The following GOLGA8A variants were observed in gnomAD, a reference collection of about 807,000 sequenced individuals.
The protein encoded by GOLGA8A is golgin subfamily A member 8A.
Under a neutral mutation model 22.1 loss-of-function variants are expected in GOLGA8A, and 3 were observed. The observed-to-expected ratio is 0.14, with a 90% CI of 0.06 to 0.35. The LOEUF is 0.35. Among genes scored for constraint, GOLGA8A ranks in the 10% least tolerant of loss-of-function variants. GOLGA8A has a pLI of 1.00. For missense variants in GOLGA8A, 16 were observed against 233.2 expected (o/e 0.07, Z 6.07); for synonymous variants, 7 against 91.7 (o/e 0.08, Z 5.28).
intron 2 of GOLGA8A, among the ~76,000 whole-genome samples, chr15:34,429,135 G>A (rs980221405): frequency 2.1e-5 from 3 of 143,716 alleles, no homozygotes; most frequent in Admixed American, 7.2e-5. Context: ...CCCTCCTCTC[G>A]CCTCTGGATG....
intron 2 of GOLGA8A, among the ~76,000 whole-genome samples, chr15:34,421,599 G>C (rs1446178640): frequency 3.5e-5 from 5 of 143,826 alleles, no homozygotes; most frequent in Admixed American, 1.4e-4. Flanking sequence ...CATGGGTTGA[G>C]GCACTGGACT....
intron 2 of GOLGA8A, among the ~76,000 whole-genome samples, chr15:34,425,924 G>A (rs1421252104): frequency 1.4e-5 from 2 of 144,060 alleles, no homozygotes; most frequent in Non-Finnish European, 3.1e-5. Context: ...GACTGATCAT[G>A]TCCAGAGAGC....
chr15:34,397,545 C>A (rs1380001035), intron 8 of GOLGA8A, among the ~76,000 whole-genome samples: 1 of 147,438 alleles, frequency 6.8e-6, no homozygotes, highest in Non-Finnish European at 1.5e-5. Flanking sequence ...GGGTTCACTA[C>A]TTGAATGCTA....
Position 34,437,327 on chromosome 15 carries a change from C to T in GOLGA8A, c.-1212+71G>A, listed in dbSNP as rs1156967347. 1.4e-5 allele frequency: 2 copies of T among 142,692 alleles called. 1 individual carries two copies. The highest frequency in any genetic ancestry group is 3.1e-5 in the Non-Finnish European group (2 of 64,490). The allele number at this position is 142,692 out of a possible 1,614,324, so 8.8% of individuals were successfully genotyped here. On this transcript the variant is annotated intron_variant, in intron 1 of 24. Coordinates refer to ENST00000359187, the MANE Select transcript of GOLGA8A (RefSeq NM_181077.5). The stretch of plus-strand genomic sequence containing the variant: ...CGCGCCGCCCCCCACGCGTCCGGGT[C>T]CCCGCGGCGCCGCGGGCGGCCCAAG...
At chr15:34,386,338 C>A (rs1333990072) in intron 12 of GOLGA8A, among the ~76,000 whole-genome samples, 61 of 138,786 alleles carry the variant, frequency 4.4e-4, no homozygotes, top group Admixed American at 7.2e-4. Flanking sequence ...AAATACGGGG[C>A]CCCTGACAAC....
chr15:34,420,814 G>C (rs1892767377), intron 2 of GOLGA8A, among the ~76,000 whole-genome samples: 1 of 129,350 alleles, frequency 7.7e-6, no homozygotes. Context: ...AGTCAGCCTG[G>C]GGAGAGTACC....
rs1047796999 is a variant in GOLGA8A at position 34,379,562 on chromosome 15, C to T, written c.*1849G>A. On this transcript the variant is annotated 3_prime_UTR_variant, in exon 25 of 25. Transcript: ENST00000359187. Reference sequence around the variant, plus strand: ...ATATCTGCCCTCTTTCAGTGAATGCCGGCAAATCTGTTATTCCATTGGCAA... The same window carrying T: ...ATATCTGCCCTCTTTCAGTGAATGCTGGCAAATCTGTTATTCCATTGGCAA... The T allele has an allele frequency of 1.3e-5, 2 of 152,578 alleles. No homozygotes were observed. Among genetic ancestry groups the T allele is most frequent in the African/African-American group, 4.8e-5 (2 of 41,426 alleles). 9.5% of individuals were successfully genotyped at this position (152,578 alleles called of 1,614,324 possible). A position where few individuals can be genotyped will look rare whatever the true frequency, so the allele number is the denominator to read the frequency against.
In GOLGA8A at chr15:34,379,618, C is replaced by T. The variant is rs1010106733; in HGVS notation, c.*1793G>A. 1.8e-4 allele frequency: 27 copies of T among 152,602 alleles called. No individual in the cohort carries two copies. The highest frequency in any genetic ancestry group is 8.3e-4 in the South Asian group (4 of 4,814). 9.5% of individuals were successfully genotyped at this position (152,602 alleles called of 1,614,324 possible). ...TATTGCTGCTCTCCTGTTAATCTCACATTTATAAAAGGATCATGAGGCTGC... is the reference window on the plus strand; with the variant it reads ...TATTGCTGCTCTCCTGTTAATCTCATATTTATAAAAGGATCATGAGGCTGC... On this transcript the variant is annotated 3_prime_UTR_variant, in exon 25 of 25. Coordinates refer to ENST00000359187, the MANE Select transcript of GOLGA8A (RefSeq NM_181077.5).
At chr15:34,436,691 T>C (rs1472802586) in intron 1 of GOLGA8A, among the ~76,000 whole-genome samples, 1 of 149,550 alleles carries the variant, frequency 6.7e-6, no homozygotes, top group African/African-American at 2.5e-5. Flanking sequence ...GGAGCCCTGC[T>C]TGGGGACCGG....
intron 2 of GOLGA8A, among the ~76,000 whole-genome samples, chr15:34,427,195 G>A (rs560669331): frequency 2.0e-5 from 3 of 147,206 alleles, no homozygotes; most frequent in Non-Finnish European, 4.5e-5. Context: ...GCCGGGAGTG[G>A]TGGCGGGCGC....
At position 34,430,461 on chromosome 15, in the gene GOLGA8A, C is replaced by G. The variant is rs3893821; in HGVS notation, c.-1123+4922G>C. On this transcript the variant is annotated intron_variant, in intron 2 of 24. Coordinates refer to ENST00000359187, the MANE Select transcript of GOLGA8A (RefSeq NM_181077.5). ...ACTTCACCCAATGCCATTCCCGAGA[C>G]AATCAGCCATCAATCTGACCCACTC... Among the ~76,000 whole-genome samples the G allele has an allele frequency of 1.1e-3, 159 of 149,174 alleles. 1 individual carries two copies. The highest frequency in any genetic ancestry group is 3.8e-3 in the African/African-American group (154 of 40,378).
At chr15:34,426,536 C>A (rs888298015) in intron 2 of GOLGA8A, among the ~76,000 whole-genome samples, 2 of 146,274 alleles carry the variant, frequency 1.4e-5, no homozygotes, top group African/African-American at 2.5e-5. Context: ...CTGTAAAGTT[C>A]TAATCTTTAT....
chr15:34,434,282 C>T (rs1200385694), intron 2 of GOLGA8A, among the ~76,000 whole-genome samples: 1 of 149,586 alleles, frequency 6.7e-6, no homozygotes, highest in Admixed American at 6.7e-5. Context: ...GCAATGGTGA[C>T]ACACCTGGCC....
intron 2 of GOLGA8A, among the ~76,000 whole-genome samples, chr15:34,421,697 G>C (rs548362619): frequency 7.1e-6 from 1 of 140,284 alleles, no homozygotes; most frequent in Non-Finnish European, 1.5e-5. Flanking sequence ...TTCATCACTC[G>C]CAATACAAAT....
intron 1 of GOLGA8A, among the ~76,000 whole-genome samples, chr15:34,436,698 C>T (rs1893531233): frequency 1.3e-5 from 2 of 149,578 alleles, no homozygotes; most frequent in Admixed American, 6.7e-5. Flanking sequence ...TGCTTGGGGA[C>T]CGGGGGCCTC....
rs867398690 is a variant in GOLGA8A at position 34,379,240 on chromosome 15, T to C, written c.*2171A>G. ...TGGCAAATAACGCTTTGGCCTGGAATTGGCATTTCTTTCTCTACTTTTCCT... is the reference window on the plus strand; with the variant it reads ...TGGCAAATAACGCTTTGGCCTGGAACTGGCATTTCTTTCTCTACTTTTCCT... On this transcript the variant is annotated 3_prime_UTR_variant, in exon 25 of 25. Coordinates refer to ENST00000359187, the MANE Select transcript of GOLGA8A (RefSeq NM_181077.5). 8.5e-5 allele frequency: 13 copies of C among 152,790 alleles called. No individual in the cohort carries two copies. The highest frequency in any genetic ancestry group is 7.2e-4 in the Admixed American group (11 of 15,304). 9.5% of individuals were successfully genotyped at this position (152,790 alleles called of 1,614,324 possible).
chr15:34,418,565 C>G (rs1377535680), intron 2 of GOLGA8A: 1 of 146,494 alleles, frequency 6.8e-6, no homozygotes, highest in Non-Finnish European at 1.5e-5. Context: ...AGGAAGAAGG[C>G]AGAGAGGTGG....
intron 2 of GOLGA8A, among the ~76,000 whole-genome samples, chr15:34,431,348 T>A (rs867548666): frequency 6.4e-5 from 7 of 108,898 alleles, no homozygotes; most frequent in Middle Eastern, 5.0e-3. Context: ...TATATATATC[T>A]CACACACACA....
chr15:34,428,387 C>T (rs1893075758), intron 2 of GOLGA8A, among the ~76,000 whole-genome samples: 1 of 148,558 alleles, frequency 6.7e-6, no homozygotes, highest in Admixed American at 6.8e-5. Flanking sequence ...AACCACCGTG[C>T]CCAGCCTTCA....
Sources: allele counts gnomAD v4.1 joint callset (sites outside exome capture counted in the v4.1 genomes callset), GRCh38; gene constraint gnomAD v4.1.1; transcripts MANE v1.5; gene names NCBI Gene and HGNC (gene_info 2026-07-23, HGNC 2026-07-21).